Variants in PIK3CD observed in about 807,000 individuals in gnomAD.
PIK3CD encodes the protein phosphatidylinositol 4,5-bisphosphate 3-kinase catalytic subunit delta isoform.
In PIK3CD, 20 loss-of-function variants were observed where a neutral mutation model predicts 122.9. The ratio of observed to expected loss-of-function variants is 0.16; its 90% CI spans 0.11 to 0.24. PIK3CD has a LOEUF of 0.24. Ranked by LOEUF, PIK3CD falls within the 10% of genes least tolerant of loss-of-function variation. PIK3CD has a pLI of 1.00. For synonymous variants in PIK3CD, 596 were observed against 593.4 expected (o/e 1.00, Z -0.06); for missense variants, 787 against 1,406.3 (o/e 0.56, Z 7.04).
At chr1:9,712,070 G>A (rs535984557) in intron 3 of PIK3CD, among the ~76,000 whole-genome samples, 1 of 148,320 alleles carries the variant, frequency 6.7e-6, no homozygotes, top group African/African-American at 2.5e-5. Context: ...CTAATTTTTT[G>A]TAAACAGCAT....
At chr1:9,673,082 C>A (rs1440324422) in intron 1 of PIK3CD, among the ~76,000 whole-genome samples, 2 of 151,010 alleles carry the variant, frequency 1.3e-5, no homozygotes, top group Non-Finnish European at 2.9e-5. Flanking sequence ...AACGTATAAT[C>A]CACTTTTTTA....
At chr1:9,702,745 T>C (rs918903018) in intron 2 of PIK3CD, among the ~76,000 whole-genome samples, 4 of 151,948 alleles carry the variant, frequency 2.6e-5, no homozygotes, top group African/African-American at 9.7e-5. Context: ...GGTTTCGAAC[T>C]CCTGACTTCA....
chr1:9,720,193 G>C lies in PIK3CD; in HGVS notation c.1421G>C (p.Cys474Ser). 6.2e-7 allele frequency: 1 copy of C among 1,611,876 alleles called. No homozygotes were observed. Among genetic ancestry groups the C allele is most frequent in the Non-Finnish European group, 8.5e-7 (1 of 1,179,092 alleles). ...NTDSAAALLICLPEVAPHPVY... is the reference protein window; with the variant it reads ...NTDSAAALLISLPEVAPHPVY... ...GATAGCGCCGCTGCCCTGCTCATCT[G>C]CCTGCCCGAGGTGGCCCCGCACCCC... The change falls in exon 11 of 24, where the codon TGC becomes TCC. Residue 474 changes from cysteine to serine, a missense_variant. This residue lies in a region of PIK3CD where 592 missense variants were observed against 920.6 expected (regional missense o/e 0.64). Transcript: ENST00000377346. This position sits in a 1 kb window ranked among gnomAD's most constrained non-coding sequence, Gnocchi z 9.0.
chr1:9,667,876 A>G (rs1473052348), intron 1 of PIK3CD, among the ~76,000 whole-genome samples: 1 of 143,386 alleles, frequency 7.0e-6, no homozygotes, highest in African/African-American at 2.6e-5. Flanking sequence ...AGCTGGGACT[A>G]CAGGTGCTGC....
chr1:9,675,126 T>C (rs1645474319), intron 1 of PIK3CD, among the ~76,000 whole-genome samples: 2 of 151,482 alleles, frequency 1.3e-5, no homozygotes, highest in Admixed American at 6.6e-5. Context: ...TGGCTCACAC[T>C]TGTAATCCCA....
Position 9,728,186 on chromosome 1 carries a change from T to G in PIK3CD, c.*1140T>G, listed in dbSNP as rs1308021908. On this transcript the variant is annotated 3_prime_UTR_variant, in exon 24 of 24. Transcript: ENST00000377346. ...CAGAACTCTTCCAGAACCATCACCT[T>G]TGGGAACCTGCTGTGAGAGTGCTGA... is the stretch of plus-strand genomic sequence containing the variant. The G allele has an allele frequency of 6.6e-6, 1 of 152,236 alleles. No individual in the cohort carries two copies. Among genetic ancestry groups the G allele is most frequent in the Non-Finnish European group, 1.5e-5 (1 of 68,048 alleles). The allele number at this position is 152,236 out of a possible 1,614,324, so 9.4% of individuals were successfully genotyped here.
intron 1 of PIK3CD, among the ~76,000 whole-genome samples, chr1:9,663,956 GC>G (rs1645082949): frequency 6.6e-6 from 1 of 151,742 alleles, no homozygotes; most frequent in Non-Finnish European, 1.5e-5. Flanking sequence ...GTGTATATGT[GC>G]CACATTTTCT....
intron 1 of PIK3CD, among the ~76,000 whole-genome samples, chr1:9,670,305 A>G (rs1236916178): frequency 6.6e-6 from 1 of 152,122 alleles, no homozygotes; most frequent in Non-Finnish European, 1.5e-5. Flanking sequence ...TGTGATGAGT[A>G]TTTGAATAAT....
intron 1 of PIK3CD, among the ~76,000 whole-genome samples, chr1:9,656,722 C>G (rs1387776809): frequency 2.0e-5 from 3 of 152,250 alleles, no homozygotes; most frequent in Non-Finnish European, 4.4e-5. Context: ...GCGGGTGGAT[C>G]ACCTGAGGTC....
intron 2 of PIK3CD, among the ~76,000 whole-genome samples, chr1:9,709,742 C>T (rs575149168): frequency 2.0e-5 from 3 of 152,114 alleles, no homozygotes; most frequent in Non-Finnish European, 4.4e-5. Flanking sequence ...TATGGTGGCT[C>T]ATGCCTGTGA....
chr1:9,649,968 G>C (rs933808932), upstream of PIK3CD, among the ~76,000 whole-genome samples: 3 of 152,148 alleles, frequency 2.0e-5, no homozygotes, highest in Non-Finnish European at 2.9e-5. Context: ...TCCTTGGCTG[G>C]GCTCCACATT....
chr1:9,659,275 A>T (rs1006079188), intron 1 of PIK3CD, among the ~76,000 whole-genome samples: 2 of 152,164 alleles, frequency 1.3e-5, no homozygotes, highest in African/African-American at 4.8e-5. Context: ...ACGTTTACCT[A>T]TGCAACAAAC....
At position 9,716,568 on chromosome 1, in the gene PIK3CD, G is replaced by T; in HGVS notation, c.729G>T (p.Val243=). The T allele has an allele frequency of 6.3e-7, 1 of 1,597,534 alleles. No individual in the cohort carries two copies. Among genetic ancestry groups the T allele is most frequent in the South Asian group, 1.1e-5 (1 of 89,374 alleles). Reference sequence around the variant, plus strand: ...AGCCGGAAGACTACACGCTGCAGGTGAACGGCAGGCATGAGTACCTGTATG... The same window carrying T: ...AGCCGGAAGACTACACGCTGCAGGTTAACGGCAGGCATGAGTACCTGTATG... ...VEQPEDYTLQ[V]NGRHEYLYGS... Residue 243 remains valine (V), a synonymous_variant, in exon 6 of 24, where the codon GTG becomes GTT. Transcript: ENST00000377346.
chr1:9,721,186 A>G lies in PIK3CD; in HGVS notation c.1749A>G (p.Leu583=). The change falls in exon 14 of 24, where the codon CTA becomes CTG. Residue 583 remains leucine, a synonymous_variant. Coordinates refer to ENST00000377346, the MANE Select transcript of PIK3CD (RefSeq NM_005026.5). The stretch of plus-strand genomic sequence containing the variant: ...CCGTCCTGAGCGCCCTGGAGCTGCT[A>G]GACTTCAGCTTCCCCGATTGCCACG... ...ELPVLSALEL[L]DFSFPDCHVG... The G allele has an allele frequency of 6.2e-7, 1 of 1,613,268 alleles. No homozygotes were observed.
chr1:9,639,629 A>T, the PIK3CD span, among the ~76,000 whole-genome samples: 1 of 152,194 alleles, frequency 6.6e-6, no homozygotes, highest in Non-Finnish European at 1.5e-5. Flanking sequence ...CAGGGCTGGG[A>T]GAATAAGGCC....
intron 2 of PIK3CD, among the ~76,000 whole-genome samples, chr1:9,707,103 A>G (rs1317801234): frequency 6.6e-6 from 1 of 151,466 alleles, no homozygotes; most frequent in African/African-American, 2.4e-5. Context: ...ATGAGCCACC[A>G]TGAGCCCAGC....
At chr1:9,716,179 G>T in intron 5 of PIK3CD, 101 bp downstream of exon 5, 1 of 1,030,268 alleles carries the variant, frequency 9.7e-7, no homozygotes, top group African/African-American at 1.6e-5. Context: ...CTCCCCCAGT[G>T]GCATCAGATG....
chr1:9,660,329 T>C (rs1644975263), intron 1 of PIK3CD, among the ~76,000 whole-genome samples: 1 of 152,250 alleles, frequency 6.6e-6, no homozygotes, highest in South Asian at 2.1e-4. Context: ...TTGAAGTCCC[T>C]GCCTTCAGTT....
intron 2 of PIK3CD, among the ~76,000 whole-genome samples, chr1:9,696,416 A>G (rs1420002382): frequency 6.6e-6 from 1 of 151,594 alleles, no homozygotes; most frequent in East Asian, 1.9e-4. Flanking sequence ...GTGAGACCCC[A>G]TCTCTACAAG....
Sources: gnomAD v4.1 joint callset for allele counts (sites outside exome capture counted in the v4.1 genomes callset) on GRCh38, gnomAD v4.1.1 for gene constraint, gnomAD v4.1.1 regional missense constraint, Gnocchi (gnomAD v3.1) non-coding constraint, MANE v1.5 for transcripts, NCBI Gene and HGNC (gene_info 2026-07-23, HGNC 2026-07-21) for gene names.